Variants in ERBB4 observed in about 807,000 individuals in gnomAD.
The protein encoded by ERBB4 is erb-b2 receptor tyrosine kinase 4.
ERBB4 carries 42 observed loss-of-function variants against 158.0 expected under a neutral mutation model. The observed-to-expected ratio is 0.27, with a 90% CI of 0.21 to 0.34. The LOEUF is 0.34. Ranked by LOEUF, ERBB4 falls within the 10% of genes least tolerant of loss-of-function variation. ERBB4 has a pLI of 1.00. For missense variants in ERBB4, 1,333 were observed against 1,624.1 expected, an observed-to-expected ratio of 0.82 and a Z score of 3.08; for synonymous variants, 583 against 558.7, an observed-to-expected ratio of 1.04 and a Z score of -0.61.
At chr2:211,716,279 T>C (rs1303275156) in intron 7 of ERBB4, among the ~76,000 whole-genome samples, 1 of 143,216 alleles carries the variant, frequency 7.0e-6, no homozygotes, top group Admixed American at 7.0e-5. Context: ...GGAGAATTGC[T>C]TGAACCCGGG....
intron 1 of ERBB4, among the ~76,000 whole-genome samples, chr2:212,218,370 A>G (rs2083174510): frequency 6.6e-6 from 1 of 151,364 alleles, no homozygotes; most frequent in Admixed American, 6.6e-5. Flanking sequence ...TTCTTCAAAG[A>G]GTAAAACATC....
intron 2 of ERBB4, among the ~76,000 whole-genome samples, chr2:212,013,095 C>T (rs1450499593): frequency 2.0e-5 from 3 of 149,438 alleles, no homozygotes; most frequent in African/African-American, 4.9e-5. Context: ...CTCACTCTGT[C>T]GCCCAGGCTG....
chr2:212,501,256 A>T (rs1381081732), intron 1 of ERBB4, among the ~76,000 whole-genome samples: 1 of 152,164 alleles, frequency 6.6e-6, no homozygotes, highest in African/African-American at 2.4e-5. Context: ...TGTTTCCCCA[A>T]AAGTTCTCTG....
At position 211,424,244 on chromosome 2, in the gene ERBB4, G is replaced by A. The variant is rs148791072; in HGVS notation, c.2777C>T (p.Thr926Met). The stretch of plus-strand genomic sequence containing the variant: ...CTCTAATAAATCAGGGATTTCTCGC[G>A]TTGGAATTCCATCATAGGGTTTTCC... ...FGGKPYDGIPTREIPDLLEKG... is the reference protein window; with the variant it reads ...FGGKPYDGIPMREIPDLLEKG... The change falls in exon 23 of 28, where the codon ACG becomes ATG. Residue 926 changes from threonine (T) to methionine (M), a missense_variant. Physicochemically the swap from Thr to Met is moderately conservative, Grantham distance 81. Transcript: ENST00000342788. 3.3e-5 allele frequency: 53 copies of A among 1,613,034 alleles called. No individual in the cohort carries two copies. In the East Asian group the frequency reaches 9.4e-4, roughly 29 times the overall value.
At chr2:212,451,017 G>A (rs890157299) in intron 1 of ERBB4, among the ~76,000 whole-genome samples, 3 of 151,992 alleles carry the variant, frequency 2.0e-5, no homozygotes, top group Admixed American at 6.6e-5. Flanking sequence ...TGTAGTCCTG[G>A]CTAATTTTTT....
At chr2:212,379,869 G>A (rs1303743745) in intron 1 of ERBB4, among the ~76,000 whole-genome samples, 1 of 150,580 alleles carries the variant, frequency 6.6e-6, no homozygotes, top group Non-Finnish European at 1.5e-5. Context: ...ACCAATGGGA[G>A]GCTGAAAGCA....
chr2:212,205,472 AC>A (rs1369211751), intron 1 of ERBB4, among the ~76,000 whole-genome samples: 4 of 152,232 alleles, frequency 2.6e-5, no homozygotes, highest in African/African-American at 9.6e-5. Flanking sequence ...TCCATAAAAA[AC>A]AAACGGTCAT....
At chr2:211,958,660 A>G (rs1489887527) in intron 2 of ERBB4, among the ~76,000 whole-genome samples, 1 of 152,064 alleles carries the variant, frequency 6.6e-6, no homozygotes, top group Non-Finnish European at 1.5e-5. Flanking sequence ...TCAAAATCCC[A>G]ATCCCTTTGA....
At chr2:211,860,018 T>A (rs186857129) in intron 3 of ERBB4, among the ~76,000 whole-genome samples, 101 of 152,326 alleles carry the variant, frequency 6.6e-4, no homozygotes, top group African/African-American at 2.4e-3. Context: ...TCTGTAATTG[T>A]TTAAAAACAT....
intron 1 of ERBB4, among the ~76,000 whole-genome samples, chr2:212,347,146 A>G (rs543193820): frequency 1.3e-5 from 2 of 152,232 alleles, no homozygotes; most frequent in African/African-American, 4.8e-5. Context: ...CTCTCTCCTC[A>G]TGGAAATAAT....
chr2:212,365,136 T>C (rs2089838410), intron 1 of ERBB4, among the ~76,000 whole-genome samples: 1 of 151,632 alleles, frequency 6.6e-6, no homozygotes, highest in Admixed American at 6.6e-5. Flanking sequence ...AATACATGAC[T>C]AAAATCCTTT....
chr2:211,653,328 AG>A (rs2071075668), intron 16 of ERBB4, among the ~76,000 whole-genome samples: 2 of 152,220 alleles, frequency 1.3e-5, no homozygotes, highest in African/African-American at 2.4e-5. Context: ...AAATTCCAGC[AG>A]CAGCCTATAA....
intron 15 of ERBB4, among the ~76,000 whole-genome samples, chr2:211,658,611 A>C (rs560420831): frequency 6.6e-6 from 1 of 152,308 alleles, no homozygotes; most frequent in East Asian, 1.9e-4. Context: ...GTTTCACCAT[A>C]CTGCAGTTTC....
intron 20 of ERBB4, among the ~76,000 whole-genome samples, chr2:211,433,785 T>C (rs1357566428): frequency 6.6e-6 from 1 of 152,114 alleles, no homozygotes; most frequent in East Asian, 1.9e-4. Context: ...AGATTTTTTT[T>C]TCTTTAGTCC....
At chr2:211,480,626 T>C (rs1017442041) in intron 20 of ERBB4, among the ~76,000 whole-genome samples, 3 of 152,182 alleles carry the variant, frequency 2.0e-5, no homozygotes, top group Non-Finnish European at 2.9e-5. Flanking sequence ...CAGGTAGTTC[T>C]TTATAGTGGC....
In ERBB4 at chr2:211,387,124, A is replaced by G; in HGVS notation, c.3210T>C (p.Gly1070=). Residue 1070 remains glycine, a synonymous_variant, in exon 27 of 28, where the codon GGT becomes GGC. Transcript: ENST00000342788. Reference sequence around the variant, plus strand: ...CAGACACTCCTTGTTCAGCAGCAAAACCTCCATCTCGGTATACAAACTGGT... The same window carrying G: ...CAGACACTCCTTGTTCAGCAGCAAAGCCTCCATCTCGGTATACAAACTGGT... ...SGNQFVYRDG[G]FAAEQGVSVP... is the part of the protein sequence containing the mutation. 6.2e-7 allele frequency: 1 copy of G among 1,613,826 alleles called. No individual in the cohort carries two copies. The highest frequency in any genetic ancestry group is 8.5e-7 in the Non-Finnish European group (1 of 1,179,830).
intron 20 of ERBB4, among the ~76,000 whole-genome samples, chr2:211,435,661 A>G (rs1289017928): frequency 6.6e-6 from 1 of 152,206 alleles, no homozygotes; most frequent in Non-Finnish European, 1.5e-5. Flanking sequence ...TGAACTGTGC[A>G]TGCGAGCGAT....
At chr2:212,406,249 A>ATG (rs2091341168) in intron 1 of ERBB4, among the ~76,000 whole-genome samples, 1 of 152,152 alleles carries the variant, frequency 6.6e-6, no homozygotes, top group African/African-American at 2.4e-5. Flanking sequence ...AGTTTAAGAC[A>ATG]TGTGTGCCTC....
rs75566550 is a variant in ERBB4 at position 212,124,588 on chromosome 2, T to C, written c.234+164A>G. On this transcript the variant is annotated intron_variant, in intron 2 of 27. Transcript: ENST00000342788. ...AGTCATTATGGCTTTGTTACTCTTG[T>C]TCTTTTCCTGGGTGCGTTTCGCTAT... The C allele has an allele frequency of 3.0e-3, 2,162 of 715,758 alleles. 24 individuals carry two copies. The African/African-American group carries it at 0.034, about 11-fold the overall frequency. The allele number at this position is 715,758 out of a possible 1,614,324, so 44.3% of individuals were successfully genotyped here. A position where few individuals can be genotyped will look rare whatever the true frequency, so the allele number is the denominator to read the frequency against.
Sources: gnomAD v4.1 joint callset for allele counts (sites outside exome capture counted in the v4.1 genomes callset) on GRCh38, gnomAD v4.1.1 for gene constraint, MANE v1.5 for transcripts, NCBI Gene and HGNC (gene_info 2026-07-23, HGNC 2026-07-21) for gene names.